KIAA0930: variants seen among roughly 807,000 people sequenced by gnomAD.
KIAA0930 encodes uncharacterized protein KIAA0930.
A neutral mutation model predicts 43.9 loss-of-function variants in KIAA0930; 24 were observed. The observed-to-expected ratio is 0.55, with a 90% CI of 0.40 to 0.77. The LOEUF (loss-of-function observed/expected upper bound fraction) is 0.77. Among genes scored for constraint, KIAA0930 ranks in the 30% least tolerant of loss-of-function variants. The pLI, the probability that KIAA0930 is intolerant of heterozygous loss-of-function variation, is 0.00. For synonymous variants in KIAA0930, 259 were observed against 216.4 expected (o/e 1.20, Z -1.73); for missense variants, 461 against 574.2 (o/e 0.80, Z 2.02).
Position 45,203,879 on chromosome 22 carries a change from C to G in KIAA0930, c.623G>C (p.Arg208Pro). The change falls in exon 6 of 10, where the codon CGC becomes CCC. Residue 208 changes from arginine to proline, a missense_variant. Physicochemically the swap from Arg to Pro is moderately radical, Grantham distance 103 (BLOSUM62 -2). Transcript: ENST00000336156. ...ATACACCTTCTTGAGCGCCTCGTAG[C>G]GGATGGAGCCCTGAAAGATGACCCC... is the stretch of plus-strand genomic sequence containing the variant. The part of the protein sequence containing the change: ...FQGVIFQGSI[R>P]YEALKKVYDN... 1 of 1,614,088 alleles carries G rather than the reference C, an allele frequency of 6.2e-7. No individual in the cohort carries two copies. Among genetic ancestry groups the G allele is most frequent in the Non-Finnish European group, 8.5e-7 (1 of 1,179,970 alleles).
In KIAA0930 at chr22:45,212,024, C is replaced by T. The variant is rs763982974; in HGVS notation, c.148G>A (p.Asp50Asn). ...FMEKWAPRQD[D>N]MLFYVRRKLA... ...TTCCGGCGCACATAGAAAAGCATGT[C>T]GTCCTGCCGGGGAGCCCATTTCTCC... The change falls in exon 2 of 10, where the codon GAC (aspartate) becomes AAC (asparagine). Residue 50 changes from aspartate to asparagine, a missense_variant. Coordinates refer to ENST00000336156, the MANE Select transcript of KIAA0930 (RefSeq NM_001009880.2). 2 of 1,613,824 alleles carry T rather than the reference C, an allele frequency of 1.2e-6. No individual in the cohort carries two copies. The highest frequency in any genetic ancestry group is 2.2e-5 in the East Asian group (1 of 44,878).
intron 2 of KIAA0930, among the ~76,000 whole-genome samples, chr22:45,210,068 T>C (rs1444167662): frequency 6.6e-6 from 1 of 152,198 alleles, no homozygotes; most frequent in Non-Finnish European, 1.5e-5. Context: ...CACCTCCCTG[T>C]CTGCCCTCTT....
chr22:45,237,830 C>CTGAGAGG (rs2083896047), intron 1 of KIAA0930, among the ~76,000 whole-genome samples: 1 of 152,222 alleles, frequency 6.6e-6, no homozygotes, highest in South Asian at 2.1e-4. Context: ...GGACTCACAC[C>CTGAGAGG]TGAGAGGTGA....
At chr22:45,197,354 A>G (rs973551486) in intron 9 of KIAA0930, 138 bp from the exon 10 acceptor site, 7 of 727,052 alleles carry the variant, frequency 9.6e-6, no homozygotes, top group Middle Eastern at 2.4e-4. Context: ...CAGACTGCAG[A>G]GGAGACGTGT....
At chr22:45,232,465 G>A (rs1206777341) in intron 1 of KIAA0930, among the ~76,000 whole-genome samples, 2 of 152,240 alleles carry the variant, frequency 1.3e-5, no homozygotes, top group South Asian at 2.1e-4. Context: ...CGGGGCAAGA[G>A]GCAGCACTGG....
intron 2 of KIAA0930, chr22:45,211,434 T>A (rs192861972): frequency 5.0e-6 from 2 of 399,316 alleles, no homozygotes; most frequent in Admixed American, 8.8e-5. Context: ...TTTCCTCATC[T>A]GTAAAAGGGG....
At chr22:45,212,528 C>T (rs1374976794) in intron 1 of KIAA0930, 100 of 1,411,000 alleles carry the variant, frequency 7.1e-5, no homozygotes, top group East Asian at 2.6e-5. Context: ...CTCTCACCCC[C>T]ACCCACTCCC....
intron 1 of KIAA0930, among the ~76,000 whole-genome samples, chr22:45,228,897 C>CTA (rs1443798817): frequency 1.1e-4 from 3 of 26,150 alleles, no homozygotes; most frequent in Non-Finnish European, 1.6e-4. Context: ...CCCCATCCCC[C>CTA]CAACCACTCA....
chr22:45,213,463 A>C, intron 1 of KIAA0930: 4 of 1,236,084 alleles, frequency 3.2e-6, no homozygotes, highest in Non-Finnish European at 4.2e-6. Flanking sequence ...CGGGACTGGC[A>C]AGACCTCCCA....
At chr22:45,205,195 A>G (rs1569074126) in intron 5 of KIAA0930, 22 bp downstream of exon 5, 1 of 1,578,408 alleles carries the variant, frequency 6.3e-7, no homozygotes, top group Non-Finnish European at 8.7e-7. Flanking sequence ...AGCTAAGGAG[A>G]GAGGCCCTGT....
chr22:45,206,060 G>C, intron 2 of KIAA0930, 148 bp from the exon 3 acceptor site: 1 of 1,378,704 alleles, frequency 7.3e-7, no homozygotes, highest in South Asian at 1.4e-5. Context: ...CCGCTGCCCA[G>C]GCTAGAGAGC....
intron 1 of KIAA0930, among the ~76,000 whole-genome samples, chr22:45,216,780 G>A (rs2083735225): frequency 6.6e-6 from 1 of 152,052 alleles, no homozygotes; most frequent in African/African-American, 2.4e-5. Flanking sequence ...CTCAAGCAGA[G>A]TGGAGACTTA....
At chr22:45,216,559 C>G (rs1327942951) in intron 1 of KIAA0930, among the ~76,000 whole-genome samples, 4 of 152,170 alleles carry the variant, frequency 2.6e-5, no homozygotes, top group Non-Finnish European at 5.9e-5. Context: ...ACACACGAGG[C>G]ACAGCTGGCC....
chr22:45,229,351 T>TCCACCCCCCCA (rs1170149827), intron 1 of KIAA0930, among the ~76,000 whole-genome samples: 7 of 135,878 alleles, frequency 5.2e-5, no homozygotes, highest in Non-Finnish European at 7.9e-5. Flanking sequence ...AAGATCCCTC[T>TCCACCCCCCCA]CCACTCCCCC....
At chr22:45,226,308 C>CA in intron 1 of KIAA0930, 1 of 471,170 alleles carries the variant, frequency 2.1e-6, no homozygotes, top group South Asian at 1.5e-5. Context: ...CAAGTCCGGG[C>CA]ACCTGGCAAG....
rs1037776280 is a variant in KIAA0930, at chr22:45,192,369, G to A, written c.*4807C>T. ...GCAATGATTTCCACTGGATGTGGAA[G>A]AGGGTTAATAAAGACGCTGTTGGTA... On this transcript the variant is annotated 3_prime_UTR_variant, in exon 10 of 10. Transcript: ENST00000336156. 13 of 152,200 alleles carry A rather than the reference G, an allele frequency of 8.5e-5. No individual in the cohort carries two copies. Among genetic ancestry groups the A allele is most frequent in the African/African-American group, 3.1e-4 (13 of 41,448 alleles). 9.4% of individuals were successfully genotyped at this position (152,200 alleles called of 1,614,324 possible).
chr22:45,199,181 ACCC>A (rs2083563782), intron 8 of KIAA0930, among the ~76,000 whole-genome samples: 1 of 151,490 alleles, frequency 6.6e-6, no homozygotes, highest in Admixed American at 6.6e-5. Context: ...CTTGCTTAAA[ACCC>A]CTCAGAGGCC....
chr22:45,239,809 T>G (rs1407861038), intron 1 of KIAA0930, among the ~76,000 whole-genome samples: 1 of 151,968 alleles, frequency 6.6e-6, no homozygotes, highest in East Asian at 1.9e-4. Flanking sequence ...ATGAAGTCAT[T>G]CCCTGCACGG....
chr22:45,217,089 G>T (rs1483224739), intron 1 of KIAA0930, among the ~76,000 whole-genome samples: 1 of 152,032 alleles, frequency 6.6e-6, no homozygotes, highest in African/African-American at 2.4e-5. Context: ...GGCCAGATGC[G>T]GCGGTTCATG....
Sources: allele counts gnomAD v4.1 joint callset (sites outside exome capture counted in the v4.1 genomes callset), GRCh38; gene constraint gnomAD v4.1.1; transcripts MANE v1.5; gene names NCBI Gene and HGNC (gene_info 2026-07-23, HGNC 2026-07-21).